The following GFRA2 variants were observed in gnomAD, a reference collection of about 807,000 sequenced individuals.
GFRA2 encodes the protein GDNF family receptor alpha-2.
Under a neutral mutation model 48.3 loss-of-function variants are expected in GFRA2, and 17 were observed. The observed-to-expected ratio is 0.35, with a 90% CI of 0.24 to 0.53. GFRA2 has a LOEUF of 0.53. Ranked by LOEUF, GFRA2 falls within the 20% of genes least tolerant of loss-of-function variation. The pLI is 0.93. For missense variants in GFRA2, 660 were observed against 637.3 expected (o/e 1.04, Z -0.38); for synonymous variants, 305 against 257.2 (o/e 1.19, Z -1.78).
chr8:21,766,026 T>C (rs1477123338), intron 3 of GFRA2, among the ~76,000 whole-genome samples: 1 of 152,122 alleles, frequency 6.6e-6, no homozygotes, highest in African/African-American at 2.4e-5. Context: ...AAGAGTCATC[T>C]TTTCAAACAC....
At chr8:21,714,897 A>C (rs990033561) in intron 4 of GFRA2, among the ~76,000 whole-genome samples, 4 of 152,200 alleles carry the variant, frequency 2.6e-5, no homozygotes, top group Non-Finnish European at 5.9e-5. Flanking sequence ...CAAGAAGTGC[A>C]AATTACTCAT....
At chr8:21,742,987 GCT>G (rs1363170925) in intron 4 of GFRA2, among the ~76,000 whole-genome samples, 2 of 152,210 alleles carry the variant, frequency 1.3e-5, no homozygotes, top group African/African-American at 4.8e-5. Flanking sequence ...GTAAACTAGA[GCT>G]CTGATTTGGA....
chr8:21,718,602 G>T (rs1006343989), intron 4 of GFRA2, among the ~76,000 whole-genome samples: 5 of 152,164 alleles, frequency 3.3e-5, no homozygotes, highest in African/African-American at 1.2e-4. Flanking sequence ...ACACCATGTA[G>T]AAGGCAGGAG....
chr8:21,806,267 A>G (rs753925520), intron 1 of GFRA2, among the ~76,000 whole-genome samples: 5 of 152,234 alleles, frequency 3.3e-5, no homozygotes, highest in African/African-American at 4.8e-5. Context: ...TTTTCAGTAG[A>G]AACTACTTCC....
chr8:21,741,048 C>T (rs1180895272), intron 4 of GFRA2, among the ~76,000 whole-genome samples: 1 of 152,218 alleles, frequency 6.6e-6, no homozygotes, highest in Non-Finnish European at 1.5e-5. Flanking sequence ...CAGTCGTTCT[C>T]GCCTCCTCCC....
At chr8:21,758,965 C>T (rs1220866019) in intron 3 of GFRA2, among the ~76,000 whole-genome samples, 3 of 152,156 alleles carry the variant, frequency 2.0e-5, no homozygotes, top group East Asian at 3.8e-4. Context: ...GCATTAGTAG[C>T]CAGTCAACAA....
At chr8:21,764,308 A>G (rs1806051773) in intron 3 of GFRA2, among the ~76,000 whole-genome samples, 1 of 152,130 alleles carries the variant, frequency 6.6e-6, no homozygotes, top group South Asian at 2.1e-4. Flanking sequence ...AGAAGGGGCA[A>G]GTGAGCTCTC....
intron 3 of GFRA2, among the ~76,000 whole-genome samples, chr8:21,759,474 G>A (rs1476999115): frequency 1.6e-5 from 2 of 122,162 alleles, no homozygotes; most frequent in Admixed American, 8.5e-5. Flanking sequence ...GGGAGGGAGG[G>A]AAAGAAGGAA....
upstream of GFRA2, among the ~76,000 whole-genome samples, chr8:21,791,939 A>G (rs1807580581): frequency 6.6e-6 from 1 of 152,208 alleles, no homozygotes; most frequent in African/African-American, 2.4e-5. Flanking sequence ...TAGGCTCACC[A>G]ACAGACTTCC....
intron 8 of GFRA2, 44 bp downstream of exon 8, chr8:21,694,420 C>A: frequency 1.9e-6 from 3 of 1,573,572 alleles, no homozygotes; most frequent in Non-Finnish European, 2.6e-6. Context: ...CGCCCCCCAC[C>A]GGCCCAGCCT....
At chr8:21,808,034 G>A (rs1807904214) in intron 1 of GFRA2, among the ~76,000 whole-genome samples, 1 of 152,188 alleles carries the variant, frequency 6.6e-6, no homozygotes, top group Non-Finnish European at 1.5e-5. Flanking sequence ...GTGTGTGTCA[G>A]GGCTTCCACA....
chr8:21,704,259 G>T (rs1313696089), intron 6 of GFRA2, among the ~76,000 whole-genome samples: 1 of 152,214 alleles, frequency 6.6e-6, no homozygotes, highest in Non-Finnish European at 1.5e-5. Flanking sequence ...GAAGCCTTCA[G>T]GGCCTCCCTC....
chr8:21,694,557 C>T (rs1216136872), intron 7 of GFRA2, 40 bp from the exon 8 acceptor site: 2 of 1,581,582 alleles, frequency 1.3e-6, no homozygotes, highest in African/African-American at 2.7e-5. Flanking sequence ...AGTCACCAGG[C>T]TGTTCCTGGC....
At chr8:21,782,269 A>G (rs1807028846) in intron 2 of GFRA2, among the ~76,000 whole-genome samples, 2 of 146,716 alleles carry the variant, frequency 1.4e-5, no homozygotes, top group African/African-American at 2.5e-5. Flanking sequence ...CTCCTACCCA[A>G]CCCCTGCTCA....
intron 2 of GFRA2, among the ~76,000 whole-genome samples, chr8:21,795,364 C>CTT (rs1220043308): frequency 6.7e-6 from 1 of 148,474 alleles, no homozygotes; most frequent in African/African-American, 2.5e-5. Context: ...TTTTTTTTTT[C>CTT]TTTTTTCTTT....
chr8:21,761,874 A>C (rs554130119), intron 3 of GFRA2, among the ~76,000 whole-genome samples: 155 of 152,200 alleles, frequency 1.0e-3, no homozygotes, highest in African/African-American at 3.6e-3. Flanking sequence ...TGCTTGAACC[A>C]GGGAGGTGGA....
chr8:21,702,938 T>A lies in GFRA2; in HGVS notation c.1085A>T (p.Asn362Ile). The A allele has an allele frequency of 6.4e-7, 1 of 1,567,734 alleles. No individual in the cohort carries two copies. The highest frequency in any genetic ancestry group is 8.6e-7 in the Non-Finnish European group (1 of 1,160,978). The change falls in exon 7 of 9, where the codon AAC (asparagine) becomes ATC (isoleucine). Residue 362 changes from asparagine to isoleucine, a missense_variant. By Grantham distance (149) the Asn-to-Ile change is moderately radical. Transcript: ENST00000524240. ...IQAFGNGTDVNVSPKGPSFQA... is the reference protein window; with the variant it reads ...IQAFGNGTDVIVSPKGPSFQA... ...GAACGAGGGGCCTTTTGGGGACACGTTCACGTCCGTGCCGTTGCCAAAGGC... is the reference window on the plus strand; with the variant it reads ...GAACGAGGGGCCTTTTGGGGACACGATCACGTCCGTGCCGTTGCCAAAGGC...
At chr8:21,791,180 A>C (rs1403763655), upstream of GFRA2, among the ~76,000 whole-genome samples, 1 of 152,130 alleles carries the variant, frequency 6.6e-6, no homozygotes, top group African/African-American at 2.4e-5. Context: ...TGAATCATAT[A>C]TGTAGTTCTC....
chr8:21,726,628 T>A (rs147261338), intron 4 of GFRA2, among the ~76,000 whole-genome samples: 1 of 152,254 alleles, frequency 6.6e-6, no homozygotes, highest in East Asian at 1.9e-4. Context: ...GTGTCCATCA[T>A]CTCACCATCT....
Sources: allele counts gnomAD v4.1 joint callset (sites outside exome capture counted in the v4.1 genomes callset), GRCh38; gene constraint gnomAD v4.1.1; transcripts MANE v1.5; gene names NCBI Gene and HGNC (gene_info 2026-07-23, HGNC 2026-07-21).